The following VPS54 variants were observed in gnomAD, a reference collection of about 807,000 sequenced individuals.
VPS54 encodes the protein VPS54 subunit of GARP complex.
In VPS54, 45 loss-of-function variants were observed where a neutral mutation model predicts 121.5. The ratio of observed to expected loss-of-function variants is 0.37; its 90% CI spans 0.29 to 0.47. The LOEUF is 0.47. Among genes scored for constraint, VPS54 ranks in the 20% least tolerant of loss-of-function variants. VPS54 has a pLI of 0.99. For synonymous variants in VPS54, 371 were observed against 385.8 expected (o/e 0.96, Z 0.45); for missense variants, 1,090 against 1,131.4 (o/e 0.96, Z 0.52).
intron 11 of VPS54, among the ~76,000 whole-genome samples, chr2:63,934,455 A>C (rs1055186549): frequency 2.0e-5 from 3 of 152,034 alleles, no homozygotes; most frequent in Admixed American, 6.6e-5. Flanking sequence ...ACTACTCTCC[A>C]GACATTCTAG....
At chr2:63,897,085 CAT>C (rs1358148022) in intron 22 of VPS54, among the ~76,000 whole-genome samples, 5 of 152,244 alleles carry the variant, frequency 3.3e-5, no homozygotes, top group South Asian at 2.1e-4. Flanking sequence ...CATATACACA[CAT>C]ATATTATTTT....
chr2:63,898,875 C>T (rs1177419812), intron 21 of VPS54, among the ~76,000 whole-genome samples: 1 of 151,944 alleles, frequency 6.6e-6, no homozygotes, highest in African/African-American at 2.4e-5. Flanking sequence ...AGAGCTGTTA[C>T]TGAGGAGTGA....
chr2:63,969,924 TA>T (rs1411274557), intron 4 of VPS54, among the ~76,000 whole-genome samples: 1 of 152,090 alleles, frequency 6.6e-6, no homozygotes, highest in African/African-American at 2.4e-5. Flanking sequence ...GTTGCTTTTT[TA>T]TACTACATTA....
chr2:64,004,087 C>T (rs1406013367), intron 1 of VPS54, among the ~76,000 whole-genome samples: 1 of 151,946 alleles, frequency 6.6e-6, no homozygotes, highest in East Asian at 1.9e-4. Context: ...TCCCACTGGC[C>T]ACATTTGGGA....
chr2:63,899,434 T>G (rs1212202672), intron 21 of VPS54, 40 bp downstream of exon 21: 1 of 1,551,062 alleles, frequency 6.4e-7, no homozygotes, highest in South Asian at 1.1e-5. Flanking sequence ...AGATATTGTA[T>G]GTTATATATA....
intron 3 of VPS54, among the ~76,000 whole-genome samples, chr2:63,980,495 ATTC>A (rs1480648232): frequency 3.3e-5 from 5 of 152,162 alleles, no homozygotes; most frequent in African/African-American, 1.2e-4. Context: ...TGTCCTATCC[ATTC>A]TTTTTTTTCT....
intron 3 of VPS54, among the ~76,000 whole-genome samples, chr2:63,977,168 T>C (rs576400571): frequency 1.3e-5 from 2 of 152,328 alleles, no homozygotes; most frequent in South Asian, 4.1e-4. Context: ...TTATCAGTTT[T>C]ATTGATCACA....
intron 6 of VPS54, 62 bp downstream of exon 6, chr2:63,965,773 A>C (rs1293587142): frequency 1.3e-6 from 2 of 1,576,418 alleles, no homozygotes; most frequent in Admixed American, 4.1e-5. Flanking sequence ...ATCTGAACCC[A>C]AGCAAACAGT....
chr2:63,962,263 C>T lies in VPS54; in HGVS notation c.805G>A (p.Gly269Arg), dbSNP rs1298535290. The change falls in exon 7 of 23, where the codon GGA becomes AGA. Residue 269 changes from glycine to arginine, a missense_variant. Transcript: ENST00000272322. ...GCCAGTCTTAAAATGTGGAGTGATC[C>T]TTCACACATTACTTTATCAATCTGT... ...IAQIDKVMCEGSLHILRLALT... is the reference protein window; with the variant it reads ...IAQIDKVMCERSLHILRLALT... 1 of 1,614,004 alleles carries T rather than the reference C, an allele frequency of 6.2e-7. No individual in the cohort carries two copies. Among genetic ancestry groups the T allele is most frequent in the Non-Finnish European group, 8.5e-7 (1 of 1,179,924 alleles).
At chr2:63,974,146 T>C (rs1374491871) in intron 3 of VPS54, among the ~76,000 whole-genome samples, 1 of 152,228 alleles carries the variant, frequency 6.6e-6, no homozygotes, top group East Asian at 1.9e-4. Flanking sequence ...AGGTGGTATG[T>C]CTATATTCTT....
Position 63,897,533 on chromosome 2 carries a change from G to A in VPS54, c.2791C>T (p.His931Tyr). The change falls in exon 22 of 23, where the codon CAC (histidine) becomes TAC (tyrosine). Residue 931 changes from histidine (H) to tyrosine (Y), a missense_variant. His to Tyr is a moderately conservative substitution (Grantham distance 83). Coordinates refer to ENST00000272322, the MANE Select transcript of VPS54 (RefSeq NM_016516.3). Reference sequence around the variant, plus strand: ...CCTCCATCATTTATCACATTTAAGTGAGATAACTGCTTTTTCAAGTGGAGT... The same window carrying A: ...CCTCCATCATTTATCACATTTAAGTAAGATAACTGCTTTTTCAAGTGGAGT... ...YKLHLKKQLS[H>Y]LNVINDGGPQ... 1 of 1,600,752 alleles carries A rather than the reference G, an allele frequency of 6.2e-7. No homozygotes were observed. Among genetic ancestry groups the A allele is most frequent in the African/African-American group, 1.3e-5 (1 of 74,522 alleles).
At chr2:63,907,322 C>G (rs1418667435) in intron 20 of VPS54, among the ~76,000 whole-genome samples, 2 of 151,940 alleles carry the variant, frequency 1.3e-5, no homozygotes, top group African/African-American at 2.4e-5. Flanking sequence ...AGTTTGAGAC[C>G]AGCCTGACCA....
At chr2:63,925,963 T>C (rs892125740) in intron 12 of VPS54, among the ~76,000 whole-genome samples, 3 of 152,230 alleles carry the variant, frequency 2.0e-5, no homozygotes, top group East Asian at 3.8e-4. Flanking sequence ...TTTTCCCATA[T>C]GTGCCTTATG....
chr2:63,920,688 A>G, intron 13 of VPS54, 61 bp from the exon 14 acceptor site: 1 of 998,150 alleles, frequency 1.0e-6, no homozygotes, highest in Middle Eastern at 2.8e-4. Flanking sequence ...TATGAAACCA[A>G]GTTAGTTTAA....
chr2:63,953,005 C>A (rs951500598), intron 7 of VPS54, among the ~76,000 whole-genome samples: 1 of 151,794 alleles, frequency 6.6e-6, no homozygotes, highest in African/African-American at 2.4e-5. Flanking sequence ...ATAGATATTA[C>A]TCACTTTTAA....
chr2:63,921,794 T>G (rs913402387), intron 12 of VPS54, among the ~76,000 whole-genome samples: 1 of 150,860 alleles, frequency 6.6e-6, no homozygotes, highest in Non-Finnish European at 1.5e-5. Flanking sequence ...CAAATGTATT[T>G]TGTCATAACC....
rs1466333065 is a variant in VPS54 at position 63,912,364 on chromosome 2, A to T, written c.2606T>A (p.Phe869Tyr). Reference protein sequence around the residue: ...AKLVAIMDSLFDKLLSKYEVK... With the variant: ...AKLVAIMDSLYDKLLSKYEVK... ...CATTACCTTAGATAACAGCTTGTCA[A>T]ATAAGCTATCCATTATCGCTACAAG... Residue 869 changes from phenylalanine to tyrosine, a missense_variant, in exon 20 of 23, where the codon TTT becomes TAT. Phe to Tyr is a conservative substitution (Grantham distance 22). This residue lies in a region of VPS54 where 289 missense variants were observed against 374.4 expected (regional missense o/e 0.77). Transcript: ENST00000272322. The T allele has an allele frequency of 6.2e-6, 10 of 1,610,044 alleles. No homozygotes were observed. The highest frequency in any genetic ancestry group is 8.5e-6 in the Non-Finnish European group (10 of 1,177,848).
chr2:63,997,594 G>A (rs1677660049), intron 1 of VPS54, among the ~76,000 whole-genome samples: 2 of 151,434 alleles, frequency 1.3e-5, no homozygotes, highest in Non-Finnish European at 2.9e-5. Context: ...TTCTTAGTCT[G>A]GCAAAAGATG....
intron 3 of VPS54, among the ~76,000 whole-genome samples, chr2:63,976,378 A>C (rs1000557807): frequency 4.6e-5 from 7 of 151,832 alleles, no homozygotes; most frequent in African/African-American, 1.7e-4. Flanking sequence ...AAAACAAAAA[A>C]ACACACAAGA....
Sources: allele counts gnomAD v4.1 joint callset (sites outside exome capture counted in the v4.1 genomes callset), GRCh38; gene constraint gnomAD v4.1.1; regional missense constraint gnomAD v4.1.1; transcripts MANE v1.5; gene names NCBI Gene and HGNC (gene_info 2026-07-23, HGNC 2026-07-21).